CDK14: variants seen among roughly 807,000 people sequenced by gnomAD.
The protein encoded by CDK14 is cyclin-dependent kinase 14.
Under a neutral mutation model 60.7 loss-of-function variants are expected in CDK14, and 34 were observed. That is an observed-to-expected ratio of 0.56 (90% CI 0.43 to 0.75). CDK14 has a LOEUF of 0.75. CDK14 is among the 30% of genes least tolerant of loss of function. The pLI is 0.00. For synonymous variants in CDK14, 197 were observed against 203.7 expected (o/e 0.97, Z 0.28); for missense variants, 482 against 564.1 (o/e 0.85, Z 1.47).
At chr7:91,018,917 A>G (rs1796369019) in intron 10 of CDK14, among the ~76,000 whole-genome samples, 1 of 152,168 alleles carries the variant, frequency 6.6e-6, no homozygotes, top group African/African-American at 2.4e-5. Flanking sequence ...ATGGACTAAT[A>G]CAGACATTAA....
intron 14 of CDK14, among the ~76,000 whole-genome samples, chr7:91,149,880 T>C (rs1173022903): frequency 1.3e-5 from 2 of 152,126 alleles, no homozygotes; most frequent in Admixed American, 6.6e-5. Context: ...TGGGGGAAAA[T>C]TGATTGACTC....
intron 14 of CDK14, among the ~76,000 whole-genome samples, chr7:91,139,866 C>A (rs1216695422): frequency 7.1e-6 from 1 of 140,206 alleles, no homozygotes; most frequent in Admixed American, 7.4e-5. Flanking sequence ...CTTTATTTTC[C>A]CTCTTTCTCT....
chr7:90,970,006 G>T (rs948541014), intron 9 of CDK14, among the ~76,000 whole-genome samples: 1 of 144,460 alleles, frequency 6.9e-6, no homozygotes, highest in Admixed American at 7.1e-5. Flanking sequence ...TCACTCTGTC[G>T]CCCAGGCTGG....
chr7:90,798,768 C>G (rs1193107787), intron 5 of CDK14, among the ~76,000 whole-genome samples: 1 of 152,178 alleles, frequency 6.6e-6, no homozygotes, highest in Non-Finnish European at 1.5e-5. Flanking sequence ...TCTCATTGAG[C>G]TAGAGTGTGT....
chr7:91,178,827 T>C (rs929954388), intron 14 of CDK14, among the ~76,000 whole-genome samples: 1 of 151,734 alleles, frequency 6.6e-6, no homozygotes, highest in African/African-American at 2.4e-5. Flanking sequence ...GGAGAGGATG[T>C]GGAGAAATAG....
At chr7:90,878,091 T>TGA (rs1293057502) in intron 6 of CDK14, among the ~76,000 whole-genome samples, 178 of 151,270 alleles carry the variant, frequency 1.2e-3, no homozygotes, top group African/African-American at 3.9e-3. Flanking sequence ...TGTGTGTGTG[T>TGA]GTGAGAGAGA....
At chr7:91,145,692 G>C (rs1584125099) in intron 14 of CDK14, among the ~76,000 whole-genome samples, 1 of 152,302 alleles carries the variant, frequency 6.6e-6, no homozygotes, top group South Asian at 2.1e-4. Flanking sequence ...AGGCATAACT[G>C]TCTTGATGAT....
chr7:91,061,367 A>G (rs1692779517), intron 11 of CDK14, among the ~76,000 whole-genome samples: 1 of 152,150 alleles, frequency 6.6e-6, no homozygotes, highest in Non-Finnish European at 1.5e-5. Flanking sequence ...AGCTCAGAGT[A>G]GTTTGATCGT....
intron 2 of CDK14, among the ~76,000 whole-genome samples, chr7:90,721,671 C>A (rs1802460464): frequency 6.6e-6 from 1 of 152,076 alleles, no homozygotes; most frequent in Non-Finnish European, 1.5e-5. Context: ...GGAACATAGG[C>A]CAAAATCTGG....
intron 2 of CDK14, among the ~76,000 whole-genome samples, chr7:90,682,381 C>T (rs1297336465): frequency 6.6e-6 from 1 of 152,146 alleles, no homozygotes; most frequent in Non-Finnish European, 1.5e-5. Flanking sequence ...ATATCCTTTA[C>T]CACTAGCTTT....
chr7:90,924,002 A>G (rs1052638766), intron 8 of CDK14, among the ~76,000 whole-genome samples: 2 of 152,268 alleles, frequency 1.3e-5, no homozygotes, highest in Non-Finnish European at 2.9e-5. Flanking sequence ...TGTGCTATTG[A>G]AGGCAACAGT....
rs373309933 is a variant in CDK14 at position 91,015,647 on chromosome 7, C to A, written c.1042-30250C>A. Among the ~76,000 whole-genome samples, 7 of 150,270 alleles carry A rather than the reference C, an allele frequency of 4.7e-5. No individual in the cohort carries two copies. In the East Asian group the frequency reaches 1.2e-3, roughly 25 times the overall value. ...GGTTCAAGCCATTCTCCTGCTTCAG[C>A]CTCCCGAGTAACTGGGACTACAGGC... is the stretch of plus-strand genomic sequence containing the variant. On this transcript the variant is annotated intron_variant, in intron 10 of 14. Transcript: ENST00000380050.
At chr7:90,747,954 G>C (rs1204423856) in intron 4 of CDK14, among the ~76,000 whole-genome samples, 179 bp downstream of exon 4, 1 of 122,370 alleles carries the variant, frequency 8.2e-6, no homozygotes, top group Non-Finnish European at 1.6e-5. Context: ...GGTGTACCCT[G>C]CTAGTAAACA....
intron 2 of CDK14, among the ~76,000 whole-genome samples, chr7:90,649,506 A>C (rs1295432022): frequency 1.3e-5 from 2 of 148,406 alleles, no homozygotes; most frequent in Admixed American, 1.4e-4. Context: ...ACGTGTGCAC[A>C]ACATGCAGGT....
intron 14 of CDK14, among the ~76,000 whole-genome samples, chr7:91,201,162 A>G (rs894234448): frequency 1.3e-5 from 2 of 152,254 alleles, no homozygotes. Flanking sequence ...AAGCTAATAC[A>G]TAAAGCTAAA....
chr7:90,869,673 A>T (rs1791303707), intron 6 of CDK14, among the ~76,000 whole-genome samples: 1 of 152,232 alleles, frequency 6.6e-6, no homozygotes, highest in African/African-American at 2.4e-5. Context: ...ACATGAGATG[A>T]TGTCTGCAGA....
intron 2 of CDK14, among the ~76,000 whole-genome samples, chr7:90,713,346 C>G (rs778856795): frequency 5.9e-5 from 9 of 152,054 alleles, no homozygotes; most frequent in Non-Finnish European, 1.2e-4. Flanking sequence ...GGGACCCAAC[C>G]ATTTATAGAG....
rs775377890 is a variant in CDK14 at position 90,596,586 on chromosome 7, T to C, written c.-42T>C. On this transcript the variant is annotated 5_prime_UTR_variant, in exon 1 of 15. Transcript: ENST00000380050. ...CCCTCGCCGTTGTCTGAGCTGTGCC[T>C]GGACCAGTTTGGGGAAGTTGTCGGG... The C allele has an allele frequency of 7.7e-6, 12 of 1,556,798 alleles. No individual in the cohort carries two copies. Among genetic ancestry groups the C allele is most frequent in the Non-Finnish European group, 7.1e-6 (8 of 1,130,838 alleles).
intron 6 of CDK14, among the ~76,000 whole-genome samples, chr7:90,875,313 A>G (rs1443706973): frequency 6.6e-6 from 1 of 152,220 alleles, no homozygotes; most frequent in Non-Finnish European, 1.5e-5. Context: ...TAGTGCTGCT[A>G]TGAACATTTG....
Sources: gnomAD v4.1 joint callset for allele counts (sites outside exome capture counted in the v4.1 genomes callset) on GRCh38, gnomAD v4.1.1 for gene constraint, MANE v1.5 for transcripts, NCBI Gene and HGNC (gene_info 2026-07-23, HGNC 2026-07-21) for gene names.